CPED1: variants seen among roughly 807,000 people sequenced by gnomAD.
CPED1 encodes the protein cadherin like and PC-esterase domain containing 1.
CPED1 carries 114 observed loss-of-function variants against 128.2 expected under a neutral mutation model. The ratio of observed to expected loss-of-function variants is 0.89; its 90% confidence interval spans 0.76 to 1.04. CPED1 has a LOEUF of 1.04. Among genes scored for constraint, CPED1 ranks in the 50% least tolerant of loss-of-function variants. The pLI is 0.00. For synonymous variants in CPED1, 462 were observed against 426.7 expected, an observed-to-expected ratio of 1.08 and a Z score of -1.02; for missense variants, 1,211 against 1,207.1, an observed-to-expected ratio of 1.00 and a Z score of -0.05.
intron 5 of CPED1, among the ~76,000 whole-genome samples, chr7:121,085,961 C>T (rs1469889943): frequency 3.9e-5 from 6 of 152,210 alleles, no homozygotes; most frequent in East Asian, 1.9e-4. Context: ...CATATAAAGC[C>T]GTAACTATTT....
chr7:121,268,882 C>G (rs1792183073), intron 21 of CPED1, among the ~76,000 whole-genome samples: 1 of 151,960 alleles, frequency 6.6e-6, no homozygotes, highest in Non-Finnish European at 1.5e-5. Flanking sequence ...ACACACTAGA[C>G]TGGGTTGGCT....
intron 16 of CPED1, among the ~76,000 whole-genome samples, chr7:121,180,619 T>C (rs1411984052): frequency 1.3e-5 from 2 of 152,066 alleles, no homozygotes; most frequent in African/African-American, 4.8e-5. Context: ...TTCTTTCATA[T>C]ACTATTATTA....
At chr7:121,218,439 C>A (rs1002776569) in intron 16 of CPED1, among the ~76,000 whole-genome samples, 3 of 151,970 alleles carry the variant, frequency 2.0e-5, no homozygotes, top group Non-Finnish European at 4.4e-5. Context: ...AGGATTACAA[C>A]CTCATATGCT....
chr7:121,268,958 G>A (rs745595108), intron 21 of CPED1, among the ~76,000 whole-genome samples: 16 of 151,832 alleles, frequency 1.1e-4, no homozygotes, highest in Non-Finnish European at 2.1e-4. Context: ...ATACTCCTTG[G>A]CTGTCTGTCT....
At chr7:121,106,045 C>T (rs893411191) in intron 7 of CPED1, among the ~76,000 whole-genome samples, 3 of 152,082 alleles carry the variant, frequency 2.0e-5, no homozygotes, top group East Asian at 1.9e-4. Flanking sequence ...GAGTTCCTGG[C>T]GCATGGCAGA....
chr7:121,253,846 A>G (rs1056030336), intron 18 of CPED1, among the ~76,000 whole-genome samples: 1 of 152,124 alleles, frequency 6.6e-6, no homozygotes, highest in Non-Finnish European at 1.5e-5. Context: ...AATAATAAAG[A>G]GTAAATCCAA....
chr7:121,003,406 T>C (rs1480491762), intron 2 of CPED1, among the ~76,000 whole-genome samples: 1 of 152,164 alleles, frequency 6.6e-6, no homozygotes, highest in Non-Finnish European at 1.5e-5. Context: ...ATTGATCCCA[T>C]AAAGAAAGGA....
At chr7:121,133,734 A>G in intron 12 of CPED1, 89 bp from the exon 13 acceptor site, 1 of 864,110 alleles carries the variant, frequency 1.2e-6, no homozygotes, top group Non-Finnish European at 1.8e-6. Flanking sequence ...AACTGTGCCC[A>G]TACAGAAGAA....
At chr7:121,242,973 C>T (rs540402242) in intron 17 of CPED1, among the ~76,000 whole-genome samples, 1 of 152,102 alleles carries the variant, frequency 6.6e-6, no homozygotes, top group African/African-American at 2.4e-5. Context: ...TTCTAACATC[C>T]CTGAAGTCAT....
At chr7:121,119,573 C>G (rs1279108446) in intron 7 of CPED1, among the ~76,000 whole-genome samples, 1 of 151,122 alleles carries the variant, frequency 6.6e-6, no homozygotes, top group South Asian at 2.1e-4. Flanking sequence ...TGCCTGTAAT[C>G]CCAGCACTTT....
At position 120,995,968 on chromosome 7, in the gene CPED1, TC is replaced by T. The variant is rs59754722; in HGVS notation, c.249+6100del. 6.5e-3 allele frequency among the ~76,000 whole-genome samples: 714 copies of T among 110,396 alleles called. 2 individuals are homozygous for T. Among genetic ancestry groups the T allele is most frequent in the Non-Finnish European group, 8.8e-3 (493 of 56,090 alleles). The allele number at this position is 110,396 out of a possible 152,430, so 72.4% of individuals were successfully genotyped here. ...CTTCTCCTCCTCCTCCTCCTCCTCC[TC>T]CTTCTTCTTCTTCTTCTTCTTCAAT... On this transcript the variant is annotated intron_variant, in intron 2 of 22. Coordinates refer to ENST00000310396, the MANE Select transcript of CPED1 (RefSeq NM_024913.5).
At position 121,219,455 on chromosome 7, in the gene CPED1, G is replaced by T. The variant is rs552153543; in HGVS notation, c.2056-17259G>T. 3.9e-5 allele frequency among the ~76,000 whole-genome samples: 6 copies of T among 152,112 alleles called. No individual in the cohort carries two copies. The South Asian group carries it at 1.2e-3, about 32-fold the overall frequency. On this transcript the variant is annotated intron_variant, in intron 16 of 22. Coordinates refer to ENST00000310396, the MANE Select transcript of CPED1 (RefSeq NM_024913.5). ...GAAAAAAACTTTATATTAGCTCAGA[G>T]ATTTGGAATGCATGAGAAATGTAAA...
chr7:121,137,463 G>A (rs759560129), intron 14 of CPED1, among the ~76,000 whole-genome samples: 15 of 152,066 alleles, frequency 9.9e-5, no homozygotes, highest in Middle Eastern at 6.8e-3. Context: ...ATGAGCCACC[G>A]TGGCTGGCCT....
chr7:121,109,121 A>G (rs187825818), intron 7 of CPED1, among the ~76,000 whole-genome samples: 1 of 152,256 alleles, frequency 6.6e-6, no homozygotes, highest in Admixed American at 6.6e-5. Flanking sequence ...AAATGACCTG[A>G]TATTATGATA....
At chr7:121,157,374 C>A (rs1270473090) in intron 16 of CPED1, among the ~76,000 whole-genome samples, 1 of 152,096 alleles carries the variant, frequency 6.6e-6, no homozygotes, top group Non-Finnish European at 1.5e-5. Flanking sequence ...CACCAGGGAG[C>A]CCTGCAACAA....
chr7:121,166,890 G>A (rs1464652495), intron 16 of CPED1, among the ~76,000 whole-genome samples: 3 of 152,128 alleles, frequency 2.0e-5, no homozygotes, highest in African/African-American at 7.2e-5. Flanking sequence ...TGATCTACAA[G>A]TAGAGGGCAG....
rs748529486 is a variant in CPED1 at position 121,125,827 on chromosome 7, T to A, written c.1069T>A (p.Phe357Ile). The change falls in exon 9 of 23, where the codon TTC becomes ATC. Residue 357 changes from phenylalanine (F) to isoleucine (I), a missense_variant. By Grantham distance (21) the Phe-to-Ile change is conservative. Coordinates refer to ENST00000310396, the MANE Select transcript of CPED1 (RefSeq NM_024913.5). ...LGPKTFHRCR[F>I]CFQLLTFDIG... is the part of the protein sequence containing the mutation. ...CTTGTGTTTTCATTTTAGATGCAGATTCTGCTTTCAACTTCTAACTTTTGA... is the reference window on the plus strand; with the variant it reads ...CTTGTGTTTTCATTTTAGATGCAGAATCTGCTTTCAACTTCTAACTTTTGA... 6.2e-7 allele frequency: 1 copy of A among 1,612,068 alleles called. No homozygotes were observed. Among genetic ancestry groups the A allele is most frequent in the African/African-American group, 1.3e-5 (1 of 75,012 alleles).
chr7:121,020,524 T>C (rs1221497162), intron 3 of CPED1, among the ~76,000 whole-genome samples: 2 of 152,020 alleles, frequency 1.3e-5, no homozygotes, highest in Non-Finnish European at 2.9e-5. Flanking sequence ...AGAATAAGCC[T>C]ATGTAACTTG....
intron 7 of CPED1, among the ~76,000 whole-genome samples, chr7:121,101,638 T>G (rs1794852898): frequency 6.6e-6 from 1 of 152,158 alleles, no homozygotes; most frequent in African/African-American, 2.4e-5. Flanking sequence ...GAAAAATGTT[T>G]ATTTAGTTCA....
Sources: allele counts gnomAD v4.1 joint callset (sites outside exome capture counted in the v4.1 genomes callset), GRCh38; gene constraint gnomAD v4.1.1; transcripts MANE v1.5; gene names NCBI Gene and HGNC (gene_info 2026-07-23, HGNC 2026-07-21).